Variants in TSHR observed in about 807,000 individuals in gnomAD.
TSHR encodes thyrotropin receptor.
Under a neutral mutation model 64.1 loss-of-function variants are expected in TSHR, and 51 were observed. The observed-to-expected ratio is 0.80, with a 90% CI of 0.64 to 1.01. The LOEUF (loss-of-function observed/expected upper bound fraction) is 1.01, where lower values mean the gene tolerates loss of function less well. Ranked by LOEUF, TSHR falls within the 50% of genes least tolerant of loss-of-function variation. TSHR has a pLI of 0.00. For missense variants in TSHR, 877 were observed against 942.8 expected (o/e 0.93, Z 0.91); for synonymous variants, 361 against 361.9 (o/e 1.00, Z 0.03).
chr14:80,983,265 T>C, intron 1 of TSHR: 1 of 1,243,134 alleles, frequency 8.0e-7, no homozygotes, highest in Non-Finnish European at 1.1e-6. Context: ...TGGACAGCAA[T>C]CTGGATCAAA....
At chr14:81,138,891 A>G (rs898624136) in intron 8 of TSHR, among the ~76,000 whole-genome samples, 1 of 152,198 alleles carries the variant, frequency 6.6e-6, no homozygotes, top group African/African-American at 2.4e-5. Context: ...AAAATGATGG[A>G]GCAAGACATG....
At chr14:81,079,187 TAA>T (rs1887715627) in intron 3 of TSHR, among the ~76,000 whole-genome samples, 1 of 152,218 alleles carries the variant, frequency 6.6e-6, no homozygotes, top group Admixed American at 6.5e-5. Context: ...ATGCATGTAA[TAA>T]AGATTTATAT....
rs181700636 is a variant in TSHR, at chr14:81,070,058, G to A, written c.317+1730G>A. Among the ~76,000 whole-genome samples the A allele has an allele frequency of 2.2e-3, 331 of 152,152 alleles. 1 individual carries two copies. Among genetic ancestry groups the A allele is most frequent in the Non-Finnish European group, 2.0e-3 (137 of 67,998 alleles). On this transcript the variant is annotated intron_variant, in intron 3 of 9. Transcript: ENST00000298171. ...AGGAGAATTAGTAATCTGGAAGATAGGTCAGAAGACTATAATCAGTCTGAA... is the reference window on the plus strand; with the variant it reads ...AGGAGAATTAGTAATCTGGAAGATAAGTCAGAAGACTATAATCAGTCTGAA...
At chr14:81,046,917 T>C (rs1885194414) in intron 1 of TSHR, among the ~76,000 whole-genome samples, 1 of 152,148 alleles carries the variant, frequency 6.6e-6, no homozygotes, top group South Asian at 2.1e-4. Flanking sequence ...AATAACATCA[T>C]TAAAGTATTG....
chr14:81,135,024 G>A (rs542957155), intron 8 of TSHR, among the ~76,000 whole-genome samples: 1 of 152,120 alleles, frequency 6.6e-6, no homozygotes, highest in Non-Finnish European at 1.5e-5. Context: ...AGCATCAATG[G>A]GTGCTAGAAT....
chr14:80,958,997 ACT>A (rs1886868674), intron 1 of TSHR, among the ~76,000 whole-genome samples: 1 of 152,104 alleles, frequency 6.6e-6, no homozygotes, highest in South Asian at 2.1e-4. Context: ...GCCGAGAACA[ACT>A]CTTTCTAAAC....
chr14:80,982,137 C>T, intron 1 of TSHR: 1 of 576,148 alleles, frequency 1.7e-6, no homozygotes. Context: ...GCCAGGGTCT[C>T]TGACAGATGC....
intron 3 of TSHR, among the ~76,000 whole-genome samples, chr14:81,084,102 G>A (rs1475121896): frequency 6.6e-6 from 1 of 152,110 alleles, no homozygotes; most frequent in Non-Finnish European, 1.5e-5. Flanking sequence ...TTACAACTGG[G>A]GTTACAATTC....
intron 1 of TSHR, among the ~76,000 whole-genome samples, chr14:81,061,363 T>C (rs561879897): frequency 2.0e-5 from 3 of 152,212 alleles, no homozygotes; most frequent in African/African-American, 7.2e-5. Context: ...TTGTAGCACT[T>C]TTCACAATAG....
At position 81,143,348 on chromosome 14, in the gene TSHR, G is replaced by A. The variant is rs375393735; in HGVS notation, c.1290G>A (p.Leu430=). 159 of 1,614,130 alleles carry A rather than the reference G, an allele frequency of 9.9e-5. No individual in the cohort carries two copies. In the Middle Eastern group the frequency reaches 5.1e-3, roughly 52 times the overall value. ...GGTTCGTTAGTCTGCTGGCTCTCCT[G>A]GGCAATGTCTTTGTCCTGCTTATTC... is the stretch of plus-strand genomic sequence containing the variant. The part of the protein sequence containing the change: ...VVWFVSLLAL[L]GNVFVLLILL... The change falls in exon 10 of 10, where the codon CTG becomes CTA. Residue 430 remains leucine, a synonymous_variant. Transcript: ENST00000298171.
chr14:81,118,473 T>C (rs112854844), intron 8 of TSHR, among the ~76,000 whole-genome samples: 7,013 of 144,046 alleles, frequency 0.049, 357 homozygotes, highest in East Asian at 0.18. Flanking sequence ...TTACAAGGGA[T>C]GTGAAGGACC....
chr14:80,962,909 C>G (rs917382370), intron 1 of TSHR, among the ~76,000 whole-genome samples: 7 of 152,196 alleles, frequency 4.6e-5, no homozygotes, highest in African/African-American at 1.7e-4. Context: ...AGGGTGTGCT[C>G]TAGTCAATTC....
At chr14:81,029,496 C>A (rs1405465131) in intron 1 of TSHR, among the ~76,000 whole-genome samples, 1 of 151,904 alleles carries the variant, frequency 6.6e-6, no homozygotes, top group East Asian at 1.9e-4. Context: ...CATATCTGCA[C>A]CCCCAGCAGT....
intron 3 of TSHR, 111 bp downstream of exon 3, chr14:81,068,439 T>C: frequency 1.1e-6 from 1 of 934,796 alleles, no homozygotes; most frequent in Non-Finnish European, 1.7e-6. Context: ...GAGTCAAAAC[T>C]TCTGTTTATG....
chr14:81,088,334 G>A (rs1440117050), intron 4 of TSHR, among the ~76,000 whole-genome samples: 1 of 152,080 alleles, frequency 6.6e-6, no homozygotes, highest in Non-Finnish European at 1.5e-5. Flanking sequence ...AGAGCCAGTT[G>A]GTCAATTTTG....
chr14:81,143,398 A>G lies in TSHR; in HGVS notation c.1340A>G (p.Asn447Ser), dbSNP rs758210342. 6.2e-7 allele frequency: 1 copy of G among 1,614,072 alleles called. No individual in the cohort carries two copies. The highest frequency in any genetic ancestry group is 1.1e-5 in the South Asian group (1 of 91,076). The change falls in exon 10 of 10, where the codon AAC becomes AGC. Residue 447 changes from asparagine to serine, a missense_variant. Transcript: ENST00000298171. ...LILLTSHYKL[N>S]VPRFLMCNLA... Reference sequence around the variant, plus strand: ...CTCCTCACCAGCCACTACAAACTGAACGTCCCCCGCTTTCTCATGTGCAAC... The same window carrying G: ...CTCCTCACCAGCCACTACAAACTGAGCGTCCCCCGCTTTCTCATGTGCAAC...
intron 1 of TSHR, among the ~76,000 whole-genome samples, chr14:81,005,186 G>A (rs969524409): frequency 2.0e-5 from 3 of 150,622 alleles, no homozygotes; most frequent in South Asian, 4.2e-4. Flanking sequence ...TCATGAAGGG[G>A]ACTCAAGCCT....
intron 1 of TSHR, among the ~76,000 whole-genome samples, chr14:81,002,547 C>T (rs2139761340): frequency 2.0e-5 from 3 of 152,238 alleles, no homozygotes; most frequent in Middle Eastern, 6.8e-3. Flanking sequence ...TATCATCAAC[C>T]TTAATCCTTC....
In TSHR at chr14:81,091,139, A is replaced by T. The variant is rs141293178; in HGVS notation, c.463A>T (p.Ile155Leu). The T allele has an allele frequency of 6.6e-4, 1,061 of 1,611,188 alleles. No homozygotes were observed. Among genetic ancestry groups the T allele is most frequent in the South Asian group, 1.5e-3 (139 of 91,070 alleles). ...TKVYSTDIFF[I>L]LEITDNPYMT... Reference sequence around the variant, plus strand: ...AGTTTATTCCACTGATATATTCTTTATACTGTAAGTATGCACACATGCCAT... The same window carrying T: ...AGTTTATTCCACTGATATATTCTTTTTACTGTAAGTATGCACACATGCCAT... Residue 155 changes from isoleucine (I) to leucine (L), a missense_variant, in exon 5 of 10, where the codon ATA becomes TTA. Transcript: ENST00000298171.
Sources: gnomAD v4.1 joint callset for allele counts (sites outside exome capture counted in the v4.1 genomes callset) on GRCh38, gnomAD v4.1.1 for gene constraint, MANE v1.5 for transcripts, NCBI Gene and HGNC (gene_info 2026-07-23, HGNC 2026-07-21) for gene names.